Variants in C3orf70 observed in about 807,000 individuals in gnomAD.
The protein encoded by C3orf70 is chromosome 3 open reading frame 70.
Under a neutral mutation model 20.7 loss-of-function variants are expected in C3orf70, and 15 were observed. That is an observed-to-expected ratio of 0.72 (90% CI 0.48 to 1.11). The LOEUF is 1.11. Among genes scored for constraint, C3orf70 ranks in the 50% most tolerant of loss-of-function variants. The pLI is 0.00. For synonymous variants in C3orf70, 161 were observed against 125.7 expected (o/e 1.28, Z -1.88); for missense variants, 332 against 317.6 (o/e 1.05, Z -0.34).
intron 1 of C3orf70, among the ~76,000 whole-genome samples, chr3:185,121,773 C>A (rs567839582): frequency 2.5e-4 from 38 of 152,226 alleles, no homozygotes; most frequent in African/African-American, 8.9e-4. Context: ...CTACAAGAAA[C>A]CCTCTTTGAA....
chr3:185,122,809 T>C (rs1414075729), intron 1 of C3orf70, among the ~76,000 whole-genome samples: 2 of 149,762 alleles, frequency 1.3e-5, no homozygotes, highest in Non-Finnish European at 2.9e-5. Flanking sequence ...CAAAAGGCAA[T>C]TGGTCTCTGA....
At chr3:185,086,394 G>A (rs895206361) in intron 1 of C3orf70, among the ~76,000 whole-genome samples, 7 of 152,152 alleles carry the variant, frequency 4.6e-5, no homozygotes, top group Non-Finnish European at 8.8e-5. Context: ...TGGGGGTGAG[G>A]CCTTGGAGGA....
At chr3:185,135,614 T>C (rs972951602) in intron 1 of C3orf70, among the ~76,000 whole-genome samples, 2 of 152,208 alleles carry the variant, frequency 1.3e-5, no homozygotes, top group Non-Finnish European at 2.9e-5. Context: ...CAGCAATGTA[T>C]TGCACATTTC....
chr3:185,145,032 A>C (rs1313077704), intron 1 of C3orf70, among the ~76,000 whole-genome samples: 1 of 152,246 alleles, frequency 6.6e-6, no homozygotes, highest in Non-Finnish European at 1.5e-5. Flanking sequence ...TCTTTGCTGG[A>C]CTATACTCTG....
Position 185,077,200 on chromosome 3 carries a change from A to G in C3orf70, c.*5807T>C, listed in dbSNP as rs181083852. On this transcript the variant is annotated 3_prime_UTR_variant, in exon 2 of 2. Transcript: ENST00000335012. ...GGAAGCCTGTCAGTGTTTCTCCTCC[A>G]CTGTGTTGGGACCAGGTGCACTGAG... Among the ~76,000 whole-genome samples, 139 of 152,246 alleles carry G rather than the reference A, an allele frequency of 9.1e-4. No individual in the cohort carries two copies. Among genetic ancestry groups the G allele is most frequent in the African/African-American group, 3.2e-3 (134 of 41,524 alleles).
At chr3:185,129,480 G>A (rs1005861151) in intron 1 of C3orf70, among the ~76,000 whole-genome samples, 3 of 152,068 alleles carry the variant, frequency 2.0e-5, no homozygotes, top group Non-Finnish European at 2.9e-5. Context: ...CACCACTGAT[G>A]GGCACACGTA....
At chr3:185,086,191 CT>C (rs113194488) in intron 1 of C3orf70, among the ~76,000 whole-genome samples, 24 of 151,670 alleles carry the variant, frequency 1.6e-4, no homozygotes, top group African/African-American at 5.1e-4. Context: ...CACTCCATCT[CT>C]TTTTTTTTCC....
chr3:185,152,772 G>C lies in C3orf70; in HGVS notation c.52C>G (p.Leu18Val), dbSNP rs1717021858. Residue 18 changes from leucine (L) to valine (V), a missense_variant, in exon 1 of 2, where the codon CTA (leucine) becomes GTA (valine). By Grantham distance (32) the Leu-to-Val change is conservative. Transcript: ENST00000335012. ...CGCGCCAGGGCCTGAGCCTCATCTA[G>C]TTTCTCGCTCTTCCAACCCCGCTCC... The part of the protein sequence containing the change: ...ASERGWKSEK[L>V]DEAQALARSC... 1 of 1,583,642 alleles carries C rather than the reference G, an allele frequency of 6.3e-7. No individual in the cohort carries two copies. Among genetic ancestry groups the C allele is most frequent in the South Asian group, 1.1e-5 (1 of 88,062 alleles).
chr3:185,089,972 T>C (rs1305012203), intron 1 of C3orf70, among the ~76,000 whole-genome samples: 1 of 152,202 alleles, frequency 6.6e-6, no homozygotes, highest in Non-Finnish European at 1.5e-5. Context: ...CTAACAAAGA[T>C]TTATATTCTC....
intron 1 of C3orf70, among the ~76,000 whole-genome samples, chr3:185,139,080 C>T (rs1166019550): frequency 1.3e-5 from 2 of 148,224 alleles, no homozygotes; most frequent in East Asian, 4.1e-4. Flanking sequence ...CTAGCCTGGG[C>T]GACAGTGAGA....
At chr3:185,123,148 C>CA (rs1314527217) in intron 1 of C3orf70, among the ~76,000 whole-genome samples, 1 of 132,090 alleles carries the variant, frequency 7.6e-6, no homozygotes, top group Non-Finnish European at 1.5e-5. Context: ...CACTGCACTC[C>CA]AGCCTGGGTG....
At chr3:185,152,153 AG>A (rs1421522673) in intron 1 of C3orf70, among the ~76,000 whole-genome samples, 1 of 152,138 alleles carries the variant, frequency 6.6e-6, no homozygotes, top group African/African-American at 2.4e-5. Context: ...TGGATATCCA[AG>A]GGCTCCTTCT....
chr3:185,114,710 C>T (rs149953330), intron 1 of C3orf70, among the ~76,000 whole-genome samples: 2 of 152,222 alleles, frequency 1.3e-5, no homozygotes, highest in African/African-American at 4.8e-5. Context: ...CTGAAAAAAC[C>T]TTGGAAATGC....
chr3:185,140,854 G>A (rs1368536314), intron 1 of C3orf70, among the ~76,000 whole-genome samples: 4 of 150,226 alleles, frequency 2.7e-5, no homozygotes, highest in African/African-American at 9.8e-5. Flanking sequence ...TGTAATCCCA[G>A]CTACTTGGGA....
chr3:185,113,023 G>T (rs530158846), intron 1 of C3orf70, among the ~76,000 whole-genome samples: 32 of 152,174 alleles, frequency 2.1e-4, no homozygotes, highest in African/African-American at 7.5e-4. Flanking sequence ...AATAATAATT[G>T]CCATTTGACA....
chr3:185,085,575 T>C (rs1038666918), intron 1 of C3orf70, among the ~76,000 whole-genome samples: 2 of 152,222 alleles, frequency 1.3e-5, no homozygotes, highest in African/African-American at 2.4e-5. Flanking sequence ...CGCAGTCTGA[T>C]AAAAACGCAT....
At chr3:185,137,353 G>A (rs895571839) in intron 1 of C3orf70, among the ~76,000 whole-genome samples, 1 of 152,126 alleles carries the variant, frequency 6.6e-6, no homozygotes, top group African/African-American at 2.4e-5. Flanking sequence ...GCGTGAAAAC[G>A]AACTAATACA....
At chr3:185,119,479 C>T (rs540240494) in intron 1 of C3orf70, among the ~76,000 whole-genome samples, 1 of 151,732 alleles carries the variant, frequency 6.6e-6, no homozygotes, top group Non-Finnish European at 1.5e-5. Context: ...GGTGAAACCC[C>T]GTCTCTACTA....
intron 1 of C3orf70, among the ~76,000 whole-genome samples, chr3:185,112,053 G>A (rs1243921717): frequency 1.3e-5 from 2 of 152,214 alleles, no homozygotes; most frequent in East Asian, 1.9e-4. Context: ...CACTTTGGGA[G>A]GCTGAGGCAG....
Sources: gnomAD v4.1 joint callset for allele counts (sites outside exome capture counted in the v4.1 genomes callset) on GRCh38, gnomAD v4.1.1 for gene constraint, MANE v1.5 for transcripts, NCBI Gene and HGNC (gene_info 2026-07-23, HGNC 2026-07-21) for gene names.